DTL: variants seen among roughly 807,000 people sequenced by gnomAD.
DTL encodes denticleless E3 ubiquitin protein ligase adapter, also known as denticleless protein homolog.
A neutral mutation model predicts 87.0 loss-of-function variants in DTL; 46 were observed. The observed-to-expected ratio is 0.53, with a 90% CI of 0.42 to 0.68. The LOEUF (loss-of-function observed/expected upper bound fraction) is 0.68, where lower values mean the gene tolerates loss of function less well. Ranked by LOEUF, DTL falls within the 30% of genes least tolerant of loss-of-function variation. The pLI, the probability that DTL is intolerant of heterozygous loss-of-function variation, is 0.00. For synonymous variants in DTL, 308 were observed against 311.2 expected (o/e 0.99, Z 0.11); for missense variants, 737 against 869.4 (o/e 0.85, Z 1.91).
At chr1:212,062,020 G>A (rs1017312154) in intron 5 of DTL, among the ~76,000 whole-genome samples, 2 of 152,136 alleles carry the variant, frequency 1.3e-5, no homozygotes, top group African/African-American at 4.8e-5. Context: ...CCAGCACATA[G>A]AAATGATGAA....
At chr1:212,075,533 AAATG>A (rs1654801990) in intron 11 of DTL, among the ~76,000 whole-genome samples, 1 of 152,192 alleles carries the variant, frequency 6.6e-6, no homozygotes, top group African/African-American at 2.4e-5. Context: ...ATTTGAATAA[AAATG>A]AAGGATTTAA....
chr1:212,047,348 G>A lies in DTL; in HGVS notation c.391G>A (p.Glu131Lys). The change falls in exon 5 of 15, where the codon GAG becomes AAG. Residue 131 changes from glutamate (E) to lysine (K), a missense_variant. Coordinates refer to ENST00000366991, the MANE Select transcript of DTL (RefSeq NM_016448.4). ...TAKFWDVKAG[E>K]LIGTCKGHQC... is the part of the protein sequence containing the mutation. ...CAAATTTTGGGACGTAAAAGCTGGTGAGCTGATTGGAACATGCAAAGGTCA... is the reference window on the plus strand; with the variant it reads ...CAAATTTTGGGACGTAAAAGCTGGTAAGCTGATTGGAACATGCAAAGGTCA... 1 of 1,614,208 alleles carries A rather than the reference G, an allele frequency of 6.2e-7. No homozygotes were observed. Among genetic ancestry groups the A allele is most frequent in the South Asian group, 1.1e-5 (1 of 91,086 alleles).
Position 212,104,759 on chromosome 1 carries a change from A to C in DTL, c.*1819A>C, listed in dbSNP as rs1007455408. The C allele has an allele frequency of 6.6e-6, 1 of 152,206 alleles. No homozygotes were observed. The highest frequency in any genetic ancestry group is 6.5e-5 in the Admixed American group (1 of 15,276). The allele number at this position is 152,206 out of a possible 1,614,324, so 9.4% of individuals were successfully genotyped here. A position where few individuals can be genotyped will look rare whatever the true frequency, so the allele number is the denominator to read the frequency against. ...AAGCTAGTACTTTTAAATGGGTGCC[A>C]AAGGTCAACTGTAATGAGATAATTA... is the stretch of plus-strand genomic sequence containing the variant. On this transcript the variant is annotated 3_prime_UTR_variant, in exon 15 of 15. Coordinates refer to ENST00000366991, the MANE Select transcript of DTL (RefSeq NM_016448.4).
chr1:212,049,857 A>C (rs1049470800), intron 5 of DTL, among the ~76,000 whole-genome samples: 4 of 151,966 alleles, frequency 2.6e-5, no homozygotes, highest in African/African-American at 2.4e-5. Context: ...TTGTAGACAT[A>C]AAAGTGAGGT....
intron 1 of DTL, among the ~76,000 whole-genome samples, chr1:212,041,364 T>C (rs1481063210): frequency 6.6e-6 from 1 of 152,032 alleles, no homozygotes; most frequent in Non-Finnish European, 1.5e-5. Context: ...AAAGTCCCTT[T>C]TGAGTTTTTA....
chr1:212,086,452 G>C (rs1233871312), intron 13 of DTL, among the ~76,000 whole-genome samples: 1 of 152,126 alleles, frequency 6.6e-6, no homozygotes, highest in Non-Finnish European at 1.5e-5. Context: ...CTTTTTAACA[G>C]AACCATAGTT....
At chr1:212,082,163 G>T (rs1016470961) in intron 13 of DTL, among the ~76,000 whole-genome samples, 1 of 152,150 alleles carries the variant, frequency 6.6e-6, no homozygotes, top group Non-Finnish European at 1.5e-5. Context: ...GGATGAACTT[G>T]ATTTGATGTT....
chr1:212,057,490 C>T (rs557642043), intron 5 of DTL, among the ~76,000 whole-genome samples: 1 of 151,996 alleles, frequency 6.6e-6, no homozygotes, highest in East Asian at 1.9e-4. Context: ...ATGGGCCGTA[C>T]AGAAAATACT....
intron 1 of DTL, among the ~76,000 whole-genome samples, chr1:212,039,024 TC>T: frequency 6.6e-6 from 1 of 152,312 alleles, no homozygotes; most frequent in Non-Finnish European, 1.5e-5. Context: ...CCATTTCATT[TC>T]TCCTACAGAA....
chr1:212,044,403 G>A (rs566624810), intron 2 of DTL, among the ~76,000 whole-genome samples: 92 of 152,182 alleles, frequency 6.0e-4, no homozygotes, highest in African/African-American at 2.1e-3. Context: ...TCAGGAGTTC[G>A]AGAGCAGCCT....
In DTL at chr1:212,100,596, C is replaced by T. The variant is rs766590460; in HGVS notation, c.1606C>T (p.Gln536Ter). ...GAGAAAAGCCCTTATTCCTGTGAGCCAGAAGTCATCCCAAGCAGAGGCTTG... is the reference window on the plus strand; with the variant it reads ...GAGAAAAGCCCTTATTCCTGTGAGCTAGAAGTCATCCCAAGCAGAGGCTTG... ...SPRKALIPVSQKSSQAEACSE... is the reference protein window; with the variant it reads ...SPRKALIPVS The change falls in exon 14 of 15, where the codon CAG (glutamine) becomes TAG (stop). Residue 536 changes from glutamine to a stop codon, truncating the protein, a stop_gained. Coordinates refer to ENST00000366991, the MANE Select transcript of DTL (RefSeq NM_016448.4). LOFTEE classifies it high-confidence loss of function. The T allele has an allele frequency of 6.2e-7, 1 of 1,613,980 alleles. No individual in the cohort carries two copies. The highest frequency in any genetic ancestry group is 8.5e-7 in the Non-Finnish European group (1 of 1,179,986).
At chr1:212,071,310 C>A (rs1654662225) in intron 10 of DTL, among the ~76,000 whole-genome samples, 1 of 152,222 alleles carries the variant, frequency 6.6e-6, no homozygotes, top group South Asian at 2.1e-4. Context: ...TGAGATTTTT[C>A]TCTTGTATTT....
intron 5 of DTL, among the ~76,000 whole-genome samples, chr1:212,056,756 A>G (rs1668189423): frequency 6.6e-6 from 1 of 152,122 alleles, no homozygotes; most frequent in African/African-American, 2.4e-5. Context: ...CAGAAAAATA[A>G]TTGAGGAAAT....
At chr1:212,078,314 A>G (rs1654893619) in intron 12 of DTL, 52 bp downstream of exon 12, 1 of 1,159,136 alleles carries the variant, frequency 8.6e-7, no homozygotes, top group Non-Finnish European at 1.3e-6. Flanking sequence ...ACAGGTTTGT[A>G]GGTTTTTCTA....
intron 11 of DTL, among the ~76,000 whole-genome samples, chr1:212,076,757 G>A (rs530978875): frequency 6.6e-6 from 1 of 152,104 alleles, no homozygotes; most frequent in Non-Finnish European, 1.5e-5. Flanking sequence ...GTGACTACTG[G>A]GATAGTTAGA....
intron 13 of DTL, among the ~76,000 whole-genome samples, chr1:212,095,292 T>A (rs1307230166): frequency 6.6e-6 from 1 of 152,204 alleles, no homozygotes; most frequent in Non-Finnish European, 1.5e-5. Context: ...GCTGAGTGTT[T>A]TCATCATAAA....
chr1:212,036,203 C>CT (rs1457339675), intron 1 of DTL, among the ~76,000 whole-genome samples: 11 of 152,176 alleles, frequency 7.2e-5, no homozygotes, highest in Non-Finnish European at 2.9e-5. Context: ...CCCCTTACAG[C>CT]TTACATCTCC....
At chr1:212,040,138 T>C (rs954535511) in intron 1 of DTL, among the ~76,000 whole-genome samples, 2 of 152,246 alleles carry the variant, frequency 1.3e-5, no homozygotes, top group Non-Finnish European at 2.9e-5. Flanking sequence ...TACAAAATAT[T>C]TTATTTCTTC....
chr1:212,079,614 T>A (rs536524889), intron 12 of DTL, among the ~76,000 whole-genome samples: 1 of 152,332 alleles, frequency 6.6e-6, no homozygotes, highest in Non-Finnish European at 1.5e-5. Context: ...TATTCCCATT[T>A]TGCATATGAG....
Sources: gnomAD v4.1 joint callset for allele counts (sites outside exome capture counted in the v4.1 genomes callset) on GRCh38, gnomAD v4.1.1 for gene constraint, MANE v1.5 for transcripts, NCBI Gene and HGNC (gene_info 2026-07-23, HGNC 2026-07-21) for gene names.